The following CADM2 variants were observed in gnomAD, a reference collection of about 807,000 sequenced individuals.
CADM2 encodes the protein immunoglobulin superfamily member 4D.
CADM2 carries 12 observed loss-of-function variants against 49.8 expected under a neutral mutation model. The ratio of observed to expected loss-of-function variants is 0.24; its 90% CI spans 0.15 to 0.39. The LOEUF (loss-of-function observed/expected upper bound fraction) is 0.39. Ranked by LOEUF, CADM2 falls within the 10% of genes least tolerant of loss-of-function variation. The pLI is 1.00. For missense variants in CADM2, 378 were observed against 492.3 expected (o/e 0.77, Z 2.20); for synonymous variants, 214 against 175.4 (o/e 1.22, Z -1.74).
At chr3:85,052,517 A>C (rs2035918927) in intron 1 of CADM2, among the ~76,000 whole-genome samples, 1 of 152,030 alleles carries the variant, frequency 6.6e-6, no homozygotes, top group African/African-American at 2.4e-5. Context: ...CTTTTGCAAA[A>C]TATGCCACAC....
At chr3:85,172,137 A>G (rs2040645261) in intron 1 of CADM2, among the ~76,000 whole-genome samples, 1 of 152,186 alleles carries the variant, frequency 6.6e-6, no homozygotes, top group South Asian at 2.1e-4. Context: ...CTGTCAAAAA[A>G]AATTAGGTTA....
At chr3:85,420,265 CTT>C (rs2036107843) in intron 1 of CADM2, among the ~76,000 whole-genome samples, 1 of 152,164 alleles carries the variant, frequency 6.6e-6, no homozygotes, top group African/African-American at 2.4e-5. Flanking sequence ...CTAATACACT[CTT>C]GACTTTATAG....
rs200719183 is a variant in CADM2, at chr3:85,508,678, G to GA, written c.62-217840dup. Among the ~76,000 whole-genome samples the GA allele has an allele frequency of 6.0e-3, 915 of 152,284 alleles. 13 individuals are homozygous for GA. The highest frequency in any genetic ancestry group is 0.021 in the African/African-American group (871 of 41,544). On this transcript the variant is annotated intron_variant, in intron 1 of 9. Coordinates refer to ENST00000383699, the MANE Select transcript of CADM2 (RefSeq NM_001167675.2). ...GTGGGAATCAGGTAAATGTATAAAGGAAAATTCTTTGGTCTTGTTTTAAGT... is the reference window on the plus strand; with the variant it reads ...GTGGGAATCAGGTAAATGTATAAAGGAAAAATTCTTTGGTCTTGTTTTAAGT...
At chr3:85,225,960 C>A (rs188094693) in intron 1 of CADM2, among the ~76,000 whole-genome samples, 1 of 152,162 alleles carries the variant, frequency 6.6e-6, no homozygotes, top group Non-Finnish European at 1.5e-5. Flanking sequence ...CCGACTTCAT[C>A]GTGGTGGATA....
intron 3 of CADM2, among the ~76,000 whole-genome samples, chr3:85,824,375 T>C (rs966325503): frequency 6.7e-4 from 102 of 152,028 alleles, no homozygotes; most frequent in Admixed American, 2.6e-4. Context: ...TAGTGTAAAC[T>C]TGTGTGGGAA....
intron 8 of CADM2, chr3:85,993,371 A>G (rs1559788223): frequency 1.3e-5 from 2 of 152,106 alleles, no homozygotes; most frequent in African/African-American, 2.4e-5. Context: ...TTATCTTGCT[A>G]TTTTTACCAT....
At chr3:86,062,468 C>T (rs1738784221) in intron 8 of CADM2, among the ~76,000 whole-genome samples, 1 of 152,026 alleles carries the variant, frequency 6.6e-6, no homozygotes, top group Non-Finnish European at 1.5e-5. Flanking sequence ...CCCCGACCCG[C>T]AACAGGCATT....
rs1202666613 is a variant in CADM2, at chr3:86,068,134, A to G, written c.*1351A>G. 1.3e-5 allele frequency: 2 copies of G among 152,526 alleles called. No individual in the cohort carries two copies. The highest frequency in any genetic ancestry group is 3.9e-4 in the East Asian group (2 of 5,182). 9.4% of individuals were successfully genotyped at this position (152,526 alleles called of 1,614,324 possible). ...CTTTATATTAAATTCCTGTCTATGCATTTTGTGAGGTACAAACTGATGAAA... is the reference window on the plus strand; with the variant it reads ...CTTTATATTAAATTCCTGTCTATGCGTTTTGTGAGGTACAAACTGATGAAA... On this transcript the variant is annotated 3_prime_UTR_variant, in exon 10 of 10. Coordinates refer to ENST00000383699, the MANE Select transcript of CADM2 (RefSeq NM_001167675.2).
chr3:85,754,073 T>C (rs900620818), intron 2 of CADM2, among the ~76,000 whole-genome samples: 1 of 152,184 alleles, frequency 6.6e-6, no homozygotes, highest in Non-Finnish European at 1.5e-5. Flanking sequence ...GGTGCACGTG[T>C]CGTGTGTTTA....
chr3:85,854,432 T>C (rs2075226692), intron 3 of CADM2, among the ~76,000 whole-genome samples: 1 of 152,112 alleles, frequency 6.6e-6, no homozygotes, highest in Admixed American at 6.5e-5. Context: ...ATATACACCA[T>C]GGAATACTAT....
chr3:85,987,031 T>C (rs1388061094), intron 8 of CADM2, among the ~76,000 whole-genome samples: 1 of 152,150 alleles, frequency 6.6e-6, no homozygotes, highest in South Asian at 2.1e-4. Flanking sequence ...ATATATAACA[T>C]ATCATTGGTT....
chr3:85,025,474 C>T (rs2034685101), intron 1 of CADM2, among the ~76,000 whole-genome samples: 1 of 152,122 alleles, frequency 6.6e-6, no homozygotes, highest in Non-Finnish European at 1.5e-5. Flanking sequence ...AAATATTATC[C>T]ATATTTACCA....
At chr3:85,652,840 T>C (rs4482674) in intron 1 of CADM2, among the ~76,000 whole-genome samples, 97,281 of 138,628 alleles carry the variant, frequency 0.7, 34,257 homozygotes, top group East Asian at 0.8. Context: ...TGCAATGACA[T>C]GATCTCGGTT....
At chr3:85,896,137 A>T (rs1577594032) in intron 5 of CADM2, among the ~76,000 whole-genome samples, 1 of 152,056 alleles carries the variant, frequency 6.6e-6, no homozygotes, top group Admixed American at 6.6e-5. Flanking sequence ...CAAAAAATTT[A>T]AAAATTAGCT....
chr3:86,019,887 T>C (rs1232711187), intron 8 of CADM2, among the ~76,000 whole-genome samples: 1 of 152,104 alleles, frequency 6.6e-6, no homozygotes, highest in African/African-American at 2.4e-5. Flanking sequence ...TCCTGCCTAA[T>C]TGCCCTGGCC....
At chr3:85,919,644 C>A (rs1445427860) in intron 6 of CADM2, among the ~76,000 whole-genome samples, 3 of 151,764 alleles carry the variant, frequency 2.0e-5, no homozygotes, top group South Asian at 4.2e-4. Flanking sequence ...AAAGTCAATC[C>A]ATTTTTCTCT....
intron 1 of CADM2, among the ~76,000 whole-genome samples, chr3:85,288,792 C>CG (rs1047553352): frequency 3.7e-5 from 5 of 135,190 alleles, no homozygotes; most frequent in African/African-American, 5.1e-5. Context: ...ATGCCCCCCC[C>CG]CCCTCTTTTT....
intron 6 of CADM2, among the ~76,000 whole-genome samples, chr3:85,923,547 A>AC (rs940885424): frequency 2.0e-5 from 3 of 151,544 alleles, no homozygotes; most frequent in African/African-American, 4.8e-5. Flanking sequence ...CAAAAAAAAA[A>AC]AACAACAAAA....
chr3:85,043,157 A>T (rs532876449), intron 1 of CADM2, among the ~76,000 whole-genome samples: 1 of 152,048 alleles, frequency 6.6e-6, no homozygotes. Context: ...TGCAACATCA[A>T]TTCCAAGTCT....
Sources: gnomAD v4.1 joint callset for allele counts (sites outside exome capture counted in the v4.1 genomes callset) on GRCh38, gnomAD v4.1.1 for gene constraint, MANE v1.5 for transcripts, NCBI Gene and HGNC (gene_info 2026-07-23, HGNC 2026-07-21) for gene names.